The following FAM163A variants were observed in gnomAD, a reference collection of about 807,000 sequenced individuals.
The protein encoded by FAM163A is family with sequence similarity 163 member A.
In FAM163A, 7 loss-of-function variants were observed where a neutral mutation model predicts 12.0. The ratio of observed to expected loss-of-function variants is 0.58; its 90% CI spans 0.33 to 1.10. The LOEUF (loss-of-function observed/expected upper bound fraction) is 1.10, where lower values mean the gene tolerates loss of function less well. FAM163A is among the 50% of genes least tolerant of loss of function. FAM163A has a pLI of 0.03. For synonymous variants in FAM163A, 101 were observed against 91.0 expected (o/e 1.11, Z -0.62); for missense variants, 202 against 218.6 (o/e 0.92, Z 0.48).
intron 1 of FAM163A, among the ~76,000 whole-genome samples, chr1:179,772,647 T>G (rs1571408624): frequency 1.3e-5 from 2 of 152,252 alleles, no homozygotes; most frequent in Admixed American, 1.3e-4. Context: ...TAAGACACTT[T>G]GTTGTAGTTA....
At chr1:179,796,164 AACTT>A in intron 1 of FAM163A, among the ~76,000 whole-genome samples, 1 of 141,382 alleles carries the variant, frequency 7.1e-6, no homozygotes, top group South Asian at 2.2e-4. Flanking sequence ...CACACACACA[AACTT>A]AAGGTTTGGG....
chr1:179,756,239 A>AG (rs1686003555), intron 1 of FAM163A, among the ~76,000 whole-genome samples: 1 of 152,252 alleles, frequency 6.6e-6, no homozygotes, highest in Non-Finnish European at 1.5e-5. Flanking sequence ...TCAGGAAAGA[A>AG]GGTAAATGTA....
intron 1 of FAM163A, among the ~76,000 whole-genome samples, chr1:179,759,548 A>T (rs1186751219): frequency 6.6e-6 from 1 of 152,196 alleles, no homozygotes; most frequent in Non-Finnish European, 1.5e-5. Context: ...GCAAGAGACC[A>T]TCCCAAGACC....
intron 3 of FAM163A, among the ~76,000 whole-genome samples, chr1:179,812,750 C>T (rs1393930091): frequency 3.3e-5 from 5 of 152,202 alleles, no homozygotes; most frequent in Non-Finnish European, 7.4e-5. Flanking sequence ...CCGCAATCAG[C>T]GGCAGCTGTT....
chr1:179,784,321 T>C (rs1254128210), intron 1 of FAM163A, among the ~76,000 whole-genome samples: 1 of 152,234 alleles, frequency 6.6e-6, no homozygotes, highest in Non-Finnish European at 1.5e-5. Context: ...GAGTGTAAGA[T>C]GCAAAGCCAC....
intron 1 of FAM163A, among the ~76,000 whole-genome samples, chr1:179,793,411 A>G (rs948288531): frequency 1.3e-5 from 2 of 152,248 alleles, no homozygotes; most frequent in Admixed American, 6.5e-5. Context: ...AAGGCTCATC[A>G]TCTATCTACC....
At chr1:179,812,948 G>A in intron 3 of FAM163A, 128 bp from the exon 4 acceptor site, 2 of 811,940 alleles carry the variant, frequency 2.5e-6, no homozygotes, top group Non-Finnish European at 3.9e-6. Context: ...CCTGGGGCCT[G>A]GCCCTCCCGG....
chr1:179,794,349 A>G (rs983750093), intron 1 of FAM163A, among the ~76,000 whole-genome samples: 7 of 152,242 alleles, frequency 4.6e-5, no homozygotes, highest in South Asian at 2.1e-4. Flanking sequence ...TTGTCCCAGC[A>G]TAACTATTAA....
At chr1:179,736,586 G>A in the FAM163A span, among the ~76,000 whole-genome samples, 2 of 152,198 alleles carry the variant, frequency 1.3e-5, no homozygotes, top group South Asian at 2.1e-4. Flanking sequence ...AAGGCGGGTG[G>A]ATCACGAAGT....
intron 1 of FAM163A, among the ~76,000 whole-genome samples, chr1:179,806,792 G>T (rs1694002494): frequency 6.6e-6 from 1 of 152,218 alleles, no homozygotes; most frequent in South Asian, 2.1e-4. Flanking sequence ...GAATAATGTT[G>T]AGTGGTTATT....
chr1:179,755,193 T>G (rs200104797), intron 1 of FAM163A, among the ~76,000 whole-genome samples: 1 of 150,508 alleles, frequency 6.6e-6, no homozygotes, highest in African/African-American at 2.5e-5. Context: ...TAGTGGTCAG[T>G]GAAGAATAGT....
At chr1:179,793,359 T>G (rs1691798814) in intron 1 of FAM163A, among the ~76,000 whole-genome samples, 1 of 152,236 alleles carries the variant, frequency 6.6e-6, no homozygotes, top group Non-Finnish European at 1.5e-5. Flanking sequence ...CAGGTTATAC[T>G]TTCCAAAATT....
At chr1:179,758,770 C>G (rs1490285115) in intron 1 of FAM163A, among the ~76,000 whole-genome samples, 1 of 152,160 alleles carries the variant, frequency 6.6e-6, no homozygotes, top group Non-Finnish European at 1.5e-5. Context: ...CCTGGAGTTC[C>G]TTGAATCCTC....
At chr1:179,767,751 C>T (rs1299463024) in intron 1 of FAM163A, among the ~76,000 whole-genome samples, 2 of 152,160 alleles carry the variant, frequency 1.3e-5, no homozygotes, top group Non-Finnish European at 2.9e-5. Flanking sequence ...AATGCCCTCC[C>T]AACACAGGTC....
At chr1:179,763,789 G>A (rs1687115979) in intron 1 of FAM163A, among the ~76,000 whole-genome samples, 1 of 152,170 alleles carries the variant, frequency 6.6e-6, no homozygotes, top group African/African-American at 2.4e-5. Flanking sequence ...CAAAATGGCA[G>A]AGAAATCCTA....
At chr1:179,798,145 G>A (rs926632172) in intron 1 of FAM163A, among the ~76,000 whole-genome samples, 8 of 152,060 alleles carry the variant, frequency 5.3e-5, no homozygotes, top group African/African-American at 1.7e-4. Flanking sequence ...CACAAGAAAC[G>A]CTTGAGCCTG....
chr1:179,781,600 C>T (rs930086714), intron 1 of FAM163A, among the ~76,000 whole-genome samples: 5 of 152,084 alleles, frequency 3.3e-5, no homozygotes, highest in African/African-American at 9.7e-5. Flanking sequence ...AGAGACTCCG[C>T]TGGGATTGCA....
At chr1:179,731,227 A>C in the FAM163A span, among the ~76,000 whole-genome samples, 3 of 152,224 alleles carry the variant, frequency 2.0e-5, no homozygotes, top group Non-Finnish European at 4.4e-5. Context: ...TGGAGGGTTA[A>C]AACAAATTGA....
chr1:179,728,703 G>C, the FAM163A span, among the ~76,000 whole-genome samples: 1 of 152,162 alleles, frequency 6.6e-6, no homozygotes, highest in East Asian at 1.9e-4. Flanking sequence ...CATTTCCCCA[G>C]TTTTCACTAT....
Sources: allele counts gnomAD v4.1 joint callset (sites outside exome capture counted in the v4.1 genomes callset), GRCh38; gene constraint gnomAD v4.1.1; transcripts MANE v1.5; gene names NCBI Gene and HGNC (gene_info 2026-07-23, HGNC 2026-07-21).